The following SOX5 variants were observed in gnomAD, a reference collection of about 807,000 sequenced individuals.
SOX5 encodes the protein transcription factor SOX-5.
SOX5 carries 9 observed loss-of-function variants against 92.0 expected under a neutral mutation model. The ratio of observed to expected loss-of-function variants is 0.10; its 90% CI spans 0.06 to 0.17. SOX5 has a LOEUF of 0.17. SOX5 is among the 10% of genes least tolerant of loss of function. The pLI is 1.00. For missense variants in SOX5, 642 were observed against 944.5 expected, an observed-to-expected ratio of 0.68 and a Z score of 4.20; for synonymous variants, 344 against 336.3, an observed-to-expected ratio of 1.02 and a Z score of -0.25.
intron 7 of SOX5, among the ~76,000 whole-genome samples, chr12:23,646,835 T>C (rs2080919230): frequency 6.6e-6 from 1 of 152,184 alleles, no homozygotes; most frequent in African/African-American, 2.4e-5. Flanking sequence ...CTACTGCTAT[T>C]TCCACCACAT....
chr12:23,700,982 T>C (rs937110985), intron 6 of SOX5, among the ~76,000 whole-genome samples: 2 of 151,666 alleles, frequency 1.3e-5, no homozygotes, highest in Non-Finnish European at 2.9e-5. Context: ...AACACACACA[T>C]ATATCTCAGT....
intron 1 of SOX5, among the ~76,000 whole-genome samples, chr12:23,910,512 G>A (rs2097340289): frequency 6.6e-6 from 1 of 152,142 alleles, no homozygotes; most frequent in South Asian, 2.1e-4. Flanking sequence ...GAGGACTGAA[G>A]CCTAATCCCC....
In SOX5 at chr12:24,256,223, C is replaced by T. The variant is rs115413365; in HGVS notation, c.-77+20993G>A. ...AATCAGTGCAGAAGGAAAATGTGAA[C>T]GGAATAAATGGTTGAGAAATATCAT... On this transcript the variant is annotated intron_variant, in intron 3 of 4. Coordinates refer to the SOX5 transcript ENST00000446891. Among the ~76,000 whole-genome samples, 434 of 152,224 alleles carry T rather than the reference C, an allele frequency of 2.9e-3. 4 individuals are homozygous for T. Among genetic ancestry groups the T allele is most frequent in the African/African-American group, 8.9e-3 (370 of 41,520 alleles).
chr12:23,695,940 C>CAAAAAAAAAAAAAAAA (rs71059917), intron 6 of SOX5, among the ~76,000 whole-genome samples: 1 of 11,908 alleles, frequency 8.4e-5, no homozygotes, highest in African/African-American at 2.7e-4. Flanking sequence ...GACTCTGTCT[C>CAAAAAAAAAAAAAAAA]AAAAAAAAAA....
At chr12:24,532,126 AAAT>A (rs1242858764) in intron 1 of SOX5, among the ~76,000 whole-genome samples, 1 of 152,202 alleles carries the variant, frequency 6.6e-6, no homozygotes, top group African/African-American at 2.4e-5. Context: ...GCAGTGTAGA[AAAT>A]AATCCATTTA....
In SOX5 at chr12:23,692,415, C is replaced by T. The variant is rs117290599; in HGVS notation, c.811-26851G>A. Among the ~76,000 whole-genome samples the T allele has an allele frequency of 2.3e-4, 32 of 139,776 alleles. No individual in the cohort carries two copies. In the East Asian group the frequency reaches 3.5e-3, roughly 15 times the overall value. The allele number at this position is 139,776 out of a possible 152,430, so 91.7% of individuals were successfully genotyped here. ...TTGCACCACTGCACTTCAGCCTGGG[C>T]GACAGAGTGAGACTACGCCTCAGGA... On this transcript the variant is annotated intron_variant, in intron 6 of 14. Transcript: ENST00000451604.
intron 3 of SOX5, among the ~76,000 whole-genome samples, chr12:24,236,529 C>T (rs1964546121): frequency 6.6e-6 from 1 of 152,198 alleles, no homozygotes; most frequent in Non-Finnish European, 1.5e-5. Flanking sequence ...TTCTGATTCA[C>T]TGCAATTGCC....
chr12:24,201,328 G>C (rs1488408452), intron 4 of SOX5, among the ~76,000 whole-genome samples: 1 of 149,724 alleles, frequency 6.7e-6, no homozygotes, highest in Non-Finnish European at 1.5e-5. Flanking sequence ...AAAATCACAT[G>C]ATTTGTATCC....
At chr12:23,965,301 G>T (rs558069746) in intron 4 of SOX5, among the ~76,000 whole-genome samples, 1 of 152,274 alleles carries the variant, frequency 6.6e-6, no homozygotes, top group South Asian at 2.1e-4. Context: ...GCACTCCTGG[G>T]TGGCCTGCAC....
intron 4 of SOX5, among the ~76,000 whole-genome samples, chr12:24,070,601 C>T (rs1035669719): frequency 1.3e-5 from 2 of 151,582 alleles, no homozygotes; most frequent in Non-Finnish European, 2.9e-5. Context: ...AAAAAAACTA[C>T]TGTAAAGGAC....
chr12:24,184,469 A>G (rs1475784778), intron 4 of SOX5, among the ~76,000 whole-genome samples: 1 of 152,192 alleles, frequency 6.6e-6, no homozygotes, highest in Non-Finnish European at 1.5e-5. Context: ...GATTTCAAGC[A>G]GTTCAGATAA....
At chr12:23,871,544 T>C (rs576119058) in intron 2 of SOX5, among the ~76,000 whole-genome samples, 120 of 152,306 alleles carry the variant, frequency 7.9e-4, no homozygotes, top group Non-Finnish European at 1.3e-3. Flanking sequence ...GACAACTTTG[T>C]AACACTTTTT....
intron 8 of SOX5, among the ~76,000 whole-genome samples, chr12:23,607,567 CAAAT>C (rs1194969972): frequency 1.3e-5 from 2 of 152,120 alleles, no homozygotes; most frequent in Admixed American, 6.6e-5. Flanking sequence ...GATTTTAAAA[CAAAT>C]AAGCCAAGAA....
intron 1 of SOX5, among the ~76,000 whole-genome samples, chr12:24,515,478 T>A (rs1004304311): frequency 4.0e-5 from 6 of 151,640 alleles, no homozygotes; most frequent in African/African-American, 1.5e-4. Flanking sequence ...AGAAGATGGC[T>A]GAATAAGGAA....
chr12:24,171,685 G>A (rs188515837), intron 4 of SOX5, among the ~76,000 whole-genome samples: 2 of 152,164 alleles, frequency 1.3e-5, no homozygotes, highest in Non-Finnish European at 2.9e-5. Context: ...TGAATAGGGG[G>A]CTAGAGAAGC....
At chr12:24,538,184 T>C (rs1025855691) in intron 1 of SOX5, among the ~76,000 whole-genome samples, 1 of 152,222 alleles carries the variant, frequency 6.6e-6, no homozygotes, top group Non-Finnish European at 1.5e-5. Flanking sequence ...CTGCATTTAC[T>C]GCTTTAAAAT....
intron 1 of SOX5, among the ~76,000 whole-genome samples, chr12:23,920,974 T>C (rs1211100695): frequency 3.9e-5 from 6 of 152,226 alleles, no homozygotes; most frequent in Admixed American, 1.3e-4. Context: ...ACAGAGATCA[T>C]GTATATTTTC....
intron 9 of SOX5, among the ~76,000 whole-genome samples, chr12:23,600,316 A>T (rs2074270578): frequency 1.3e-5 from 2 of 152,008 alleles, no homozygotes; most frequent in Admixed American, 1.3e-4. Flanking sequence ...GCGAAGAGCT[A>T]AACATATTCG....
intron 8 of SOX5, among the ~76,000 whole-genome samples, chr12:23,614,463 G>T (rs2076318677): frequency 6.6e-6 from 1 of 152,290 alleles, no homozygotes; most frequent in South Asian, 2.1e-4. Context: ...TAACATTTTT[G>T]AACTCTCTCC....
Sources: gnomAD v4.1 joint callset for allele counts (sites outside exome capture counted in the v4.1 genomes callset) on GRCh38, gnomAD v4.1.1 for gene constraint, MANE v1.5 for transcripts, NCBI Gene and HGNC (gene_info 2026-07-23, HGNC 2026-07-21) for gene names.